The following CCDC33 variants were observed in gnomAD, a reference collection of about 807,000 sequenced individuals.
The protein encoded by CCDC33 is coiled-coil domain-containing protein 33.
In CCDC33, 94 loss-of-function variants were observed where a neutral mutation model predicts 91.9. That is an observed-to-expected ratio of 1.02 (90% CI 0.87 to 1.21). The LOEUF is 1.21. Among genes scored for constraint, CCDC33 ranks in the 50% most tolerant of loss-of-function variants. CCDC33 has a pLI of 0.00. For synonymous variants in CCDC33, 396 were observed against 374.5 expected, an observed-to-expected ratio of 1.06 and a Z score of -0.66; for missense variants, 940 against 935.5, an observed-to-expected ratio of 1.00 and a Z score of -0.06.
rs184084201 is a variant in CCDC33, at chr15:74,313,496, G to A, written c.1291-16693G>A. ...TACAGTGGCGCGATCTCAGCTCACT[G>A]CAACCTCCGCCTCCCCGGGTTCAAG... On this transcript the variant is annotated intron_variant, in intron 11 of 18. Transcript: ENST00000398814. Among the ~76,000 whole-genome samples the A allele has an allele frequency of 5.9e-5, 8 of 136,520 alleles. No homozygotes were observed. In the South Asian group the frequency reaches 9.0e-4, roughly 15 times the overall value. 89.6% of individuals were successfully genotyped at this position (136,520 alleles called of 152,430 possible).
chr15:74,318,656 T>C (rs2060145392), intron 11 of CCDC33: 1 of 769,666 alleles, frequency 1.3e-6, no homozygotes, highest in South Asian at 1.4e-5. Flanking sequence ...TGACAGCTTC[T>C]CTGTAAGTCG....
chr15:74,299,235 G>C (rs1036409677), intron 11 of CCDC33, among the ~76,000 whole-genome samples: 1 of 152,178 alleles, frequency 6.6e-6, no homozygotes, highest in East Asian at 1.9e-4. Context: ...TCATTCACCC[G>C]GAGAGAGTGT....
At chr15:74,336,442 C>T, downstream of CCDC33, 2 of 1,289,040 alleles carry the variant, frequency 1.6e-6, no homozygotes, top group Non-Finnish European at 2.0e-6. Context: ...TGCCCCAAAA[C>T]ATCTATCATG....
chr15:74,295,597 G>A (rs947480874), intron 10 of CCDC33, among the ~76,000 whole-genome samples, 157 bp from the exon 11 acceptor site: 34 of 152,166 alleles, frequency 2.2e-4, no homozygotes, highest in African/African-American at 8.0e-4. Context: ...GGGACCCGGT[G>A]AGCAAGGGGC....
chr15:74,264,265 T>A (rs2076107203), intron 3 of CCDC33, among the ~76,000 whole-genome samples: 1 of 151,980 alleles, frequency 6.6e-6, no homozygotes, highest in East Asian at 1.9e-4. Context: ...CAAGGATGTG[T>A]TAATGAAAAG....
intron 2 of CCDC33, among the ~76,000 whole-genome samples, chr15:74,219,327 C>T (rs434013): frequency 6.6e-6 from 1 of 152,216 alleles, no homozygotes; most frequent in South Asian, 2.1e-4. Flanking sequence ...GGCTTCTCCC[C>T]TATGACCATG....
chr15:74,315,183 G>C (rs1009766424), intron 11 of CCDC33, among the ~76,000 whole-genome samples: 2 of 152,202 alleles, frequency 1.3e-5, no homozygotes, highest in Non-Finnish European at 2.9e-5. Context: ...TGGACCTTCT[G>C]GCTAGGCCAG....
Position 74,319,894 on chromosome 15 carries a change from G to C in CCDC33, c.1291-10295G>C, listed in dbSNP as rs542286471. ...CAAGCCAAGCACAAAAGCTTTCTAGGCATCATCTCTGCTGCAGCAGGAAGG... is the reference window on the plus strand; with the variant it reads ...CAAGCCAAGCACAAAAGCTTTCTAGCCATCATCTCTGCTGCAGCAGGAAGG... On this transcript the variant is annotated intron_variant, in intron 11 of 18. Coordinates refer to ENST00000398814, the MANE Select transcript of CCDC33 (RefSeq NM_025055.5). 3.3e-5 allele frequency among the ~76,000 whole-genome samples: 5 copies of C among 152,272 alleles called. No individual in the cohort carries two copies. In the South Asian group the frequency reaches 1.0e-3, roughly 32 times the overall value.
upstream of CCDC33, among the ~76,000 whole-genome samples, chr15:74,214,741 C>A (rs1270270060): frequency 6.6e-6 from 1 of 152,206 alleles, no homozygotes; most frequent in East Asian, 1.9e-4. Context: ...TGCTTGCCCA[C>A]TGAGGCACCA....
At chr15:74,281,622 C>T (rs58331132) in intron 9 of CCDC33, among the ~76,000 whole-genome samples, 156 bp from the exon 10 acceptor site, 8,579 of 152,200 alleles carry the variant, frequency 0.056, 349 homozygotes, top group African/African-American at 0.12. Flanking sequence ...AGGCAGTTTG[C>T]GAGGGCAAAA....
At chr15:74,273,831 T>TTTTA (rs1328696947) in intron 7 of CCDC33, among the ~76,000 whole-genome samples, 2 of 834 alleles carry the variant, frequency 2.4e-3, no homozygotes, top group Non-Finnish European at 6.5e-3. Flanking sequence ...CAGTCTTGAA[T>TTTTA]TTTTTTTTTT....
chr15:74,265,257 CAA>C (rs1381994247), intron 3 of CCDC33, among the ~76,000 whole-genome samples: 1 of 152,176 alleles, frequency 6.6e-6, no homozygotes, highest in Non-Finnish European at 1.5e-5. Flanking sequence ...CCCCTTGTCT[CAA>C]GAGAAGCAGA....
At chr15:74,332,004 T>G (rs898525998) in intron 15 of CCDC33, among the ~76,000 whole-genome samples, 1 of 152,228 alleles carries the variant, frequency 6.6e-6, no homozygotes, top group Admixed American at 6.5e-5. Context: ...TACTCCGGCC[T>G]GGGTGACAGA....
At chr15:74,238,268 C>T (rs2075241078) in intron 1 of CCDC33, among the ~76,000 whole-genome samples, 1 of 151,310 alleles carries the variant, frequency 6.6e-6, no homozygotes. Flanking sequence ...ATTAACCAGG[C>T]GTGGTAGCGG....
At chr15:74,243,066 A>T (rs2075399313) in intron 1 of CCDC33, among the ~76,000 whole-genome samples, 1 of 152,214 alleles carries the variant, frequency 6.6e-6, no homozygotes, top group African/African-American at 2.4e-5. Context: ...CCTTTGGGCC[A>T]TGAATCCACA....
chr15:74,336,205 T>TCTGGGC (rs1448254063), downstream of CCDC33: 12 of 1,439,392 alleles, frequency 8.3e-6, no homozygotes, highest in African/African-American at 4.3e-5. Flanking sequence ...TAGACCTCAC[T>TCTGGGC]CTGGGCCTGG....
At chr15:74,315,077 G>C (rs1208571192) in intron 11 of CCDC33, among the ~76,000 whole-genome samples, 4 of 152,220 alleles carry the variant, frequency 2.6e-5, no homozygotes, top group South Asian at 2.1e-4. Context: ...GCCAGACCTG[G>C]AGCCAGCAGG....
rs1049436098 is a variant in CCDC33 at position 74,207,783 on chromosome 15, T to G, written n.90-1605T>G. 4 of 1,535,540 alleles carry G rather than the reference T, an allele frequency of 2.6e-6. No homozygotes were observed. The African/African-American group carries it at 5.5e-5, about 21-fold the overall frequency. Reference sequence around the variant, plus strand: ...GGGCCCGTGAGCTTGGGGTGTGCCCTCAGTGGCACAGCACACTCACACACA... The same window carrying G: ...GGGCCCGTGAGCTTGGGGTGTGCCCGCAGTGGCACAGCACACTCACACACA... On this transcript the variant is annotated intron_variant and non_coding_transcript_variant, in intron 1 of 3. Transcript: ENST00000558645.
At chr15:74,314,036 G>C (rs1354066715) in intron 11 of CCDC33, among the ~76,000 whole-genome samples, 1 of 152,188 alleles carries the variant, frequency 6.6e-6, no homozygotes. Context: ...TGCTCCTGCT[G>C]TTCCCTGTGC....
Sources: allele counts gnomAD v4.1 joint callset (sites outside exome capture counted in the v4.1 genomes callset), GRCh38; gene constraint gnomAD v4.1.1; transcripts MANE v1.5; gene names NCBI Gene and HGNC (gene_info 2026-07-23, HGNC 2026-07-21).